The following KCNB2 variants were observed in gnomAD, a reference collection of about 807,000 sequenced individuals.
KCNB2 encodes delayed rectifier potassium channel protein.
KCNB2 carries 15 observed loss-of-function variants against 61.5 expected under a neutral mutation model. The ratio of observed to expected loss-of-function variants is 0.24; its 90% CI spans 0.16 to 0.38. KCNB2 has a LOEUF of 0.38. Ranked by LOEUF, KCNB2 falls within the 10% of genes least tolerant of loss-of-function variation. The pLI, the probability that KCNB2 is intolerant of heterozygous loss-of-function variation, is 1.00. For missense variants in KCNB2, 828 were observed against 1,125.2 expected (o/e 0.74, Z 3.78); for synonymous variants, 457 against 446.0 (o/e 1.02, Z -0.31).
At chr8:72,776,861 G>A (rs532949292) in intron 2 of KCNB2, among the ~76,000 whole-genome samples, 1 of 152,102 alleles carries the variant, frequency 6.6e-6, no homozygotes, top group Non-Finnish European at 1.5e-5. Context: ...GAGCAACGTT[G>A]GACCTAAGCT....
At chr8:72,561,539 G>A (rs1806512147) in intron 1 of KCNB2, among the ~76,000 whole-genome samples, 3 of 150,300 alleles carry the variant, frequency 2.0e-5, no homozygotes, top group Admixed American at 6.7e-5. Flanking sequence ...TAAGGACAAG[G>A]ACAGCATTTC....
At chr8:72,769,969 A>G (rs1808533478) in intron 2 of KCNB2, among the ~76,000 whole-genome samples, 2 of 152,318 alleles carry the variant, frequency 1.3e-5, no homozygotes, top group African/African-American at 2.4e-5. Context: ...AGCTTCCTTC[A>G]TTATACAGAG....
chr8:72,589,180 AC>A (rs1807047929), intron 2 of KCNB2, among the ~76,000 whole-genome samples: 1 of 152,166 alleles, frequency 6.6e-6, no homozygotes, highest in Non-Finnish European at 1.5e-5. Context: ...GTATAAGGTG[AC>A]CCTGAATGTG....
At chr8:72,890,235 T>G (rs1585955392) in intron 2 of KCNB2, among the ~76,000 whole-genome samples, 3 of 152,240 alleles carry the variant, frequency 2.0e-5, no homozygotes, top group African/African-American at 7.2e-5. Flanking sequence ...ATTCTTCCAA[T>G]AATACCAGGC....
chr8:72,890,759 C>T (rs1805884337), intron 2 of KCNB2, among the ~76,000 whole-genome samples: 1 of 152,182 alleles, frequency 6.6e-6, no homozygotes, highest in African/African-American at 2.4e-5. Context: ...CCCCAGACCT[C>T]AAAGTCCATT....
intron 2 of KCNB2, among the ~76,000 whole-genome samples, chr8:72,766,998 A>G (rs563138766): frequency 6.6e-6 from 1 of 152,284 alleles, no homozygotes; most frequent in South Asian, 2.1e-4. Context: ...ATGAGGAAGA[A>G]GCAAAAGCGG....
chr8:72,795,789 C>T (rs1809022529), intron 2 of KCNB2, among the ~76,000 whole-genome samples: 1 of 152,150 alleles, frequency 6.6e-6, no homozygotes, highest in Non-Finnish European at 1.5e-5. Flanking sequence ...ATTTGTGCAA[C>T]CATTGTTCAT....
At chr8:72,638,561 A>T (rs1003843044) in intron 2 of KCNB2, among the ~76,000 whole-genome samples, 1 of 152,112 alleles carries the variant, frequency 6.6e-6, no homozygotes, top group African/African-American at 2.4e-5. Context: ...GTTTTCTTGT[A>T]TAAGACAAAC....
At chr8:72,614,707 C>T (rs1169155891) in intron 2 of KCNB2, among the ~76,000 whole-genome samples, 1 of 152,128 alleles carries the variant, frequency 6.6e-6, no homozygotes, top group Admixed American at 6.6e-5. Flanking sequence ...GCTAGGTGCT[C>T]AAAGTCTTTG....
At chr8:72,607,262 G>A (rs1805464703) in intron 2 of KCNB2, among the ~76,000 whole-genome samples, 1 of 152,108 alleles carries the variant, frequency 6.6e-6, no homozygotes, top group Non-Finnish European at 1.5e-5. Flanking sequence ...GGAGGAACAG[G>A]GATGGGGCCA....
chr8:72,855,185 A>T (rs1810187018), intron 2 of KCNB2, among the ~76,000 whole-genome samples: 1 of 152,186 alleles, frequency 6.6e-6, no homozygotes, highest in Admixed American at 6.5e-5. Context: ...TCCATCGTCC[A>T]CAGTAGCTTC....
chr8:72,789,251 G>C (rs1311181921), intron 2 of KCNB2, among the ~76,000 whole-genome samples: 1 of 152,106 alleles, frequency 6.6e-6, no homozygotes, highest in Non-Finnish European at 1.5e-5. Flanking sequence ...ATAATATTGA[G>C]TTAAATACTG....
chr8:72,843,265 C>T (rs1809926330), intron 2 of KCNB2, among the ~76,000 whole-genome samples: 1 of 152,154 alleles, frequency 6.6e-6, no homozygotes, highest in African/African-American at 2.4e-5. Context: ...TTTCATAATC[C>T]TGAGTTCTAA....
intron 2 of KCNB2, among the ~76,000 whole-genome samples, chr8:72,907,492 A>G (rs1227701102): frequency 6.6e-6 from 1 of 152,208 alleles, no homozygotes; most frequent in Non-Finnish European, 1.5e-5. Context: ...GATGGATGGA[A>G]CAGATAAAGT....
chr8:72,669,207 T>C (rs1806524451), intron 2 of KCNB2, among the ~76,000 whole-genome samples: 1 of 152,190 alleles, frequency 6.6e-6, no homozygotes, highest in South Asian at 2.1e-4. Context: ...ATTACTGGCA[T>C]AGCTCAAGAT....
chr8:72,561,739 A>G (rs541508480), intron 1 of KCNB2, among the ~76,000 whole-genome samples: 1,059 of 24,570 alleles, frequency 0.043, 128 homozygotes, highest in Non-Finnish European at 0.048. Context: ...CTATATCTAT[A>G]TATATATGTA....
chr8:72,873,097 C>T (rs1473954074), intron 2 of KCNB2, among the ~76,000 whole-genome samples: 1 of 152,198 alleles, frequency 6.6e-6, no homozygotes, highest in Non-Finnish European at 1.5e-5. Flanking sequence ...CTCCCAGACT[C>T]CCAGCCACTT....
At chr8:72,890,964 C>T (rs1805887477) in intron 2 of KCNB2, among the ~76,000 whole-genome samples, 1 of 152,196 alleles carries the variant, frequency 6.6e-6, no homozygotes, top group Admixed American at 6.5e-5. Flanking sequence ...AAGTGTAGTT[C>T]TCTCATGTGA....
chr8:72,654,377 G>A (rs1454622774), intron 2 of KCNB2, among the ~76,000 whole-genome samples: 1 of 152,128 alleles, frequency 6.6e-6, no homozygotes, highest in African/African-American at 2.4e-5. Flanking sequence ...AGATGAAAGA[G>A]TGACAGCTAT....
Sources: gnomAD v4.1 joint callset for allele counts (sites outside exome capture counted in the v4.1 genomes callset) on GRCh38, gnomAD v4.1.1 for gene constraint, MANE v1.5 for transcripts, NCBI Gene and HGNC (gene_info 2026-07-23, HGNC 2026-07-21) for gene names.